Variants in APC observed in about 807,000 individuals in gnomAD.
The protein encoded by APC is APC regulator of Wnt signaling pathway, also known as adenomatous polyposis coli protein.
Under a neutral mutation model 247.0 loss-of-function variants are expected in APC, and 72 were observed. That is an observed-to-expected ratio of 0.29 (90% CI 0.24 to 0.35). The LOEUF (loss-of-function observed/expected upper bound fraction) is 0.35. Ranked by LOEUF, APC falls within the 10% of genes least tolerant of loss-of-function variation. The pLI, the probability that APC is intolerant of heterozygous loss-of-function variation, is 1.00. For synonymous variants in APC, 1,254 were observed against 1,162.5 expected (o/e 1.08, Z -1.60); for missense variants, 3,400 against 3,360.7 (o/e 1.01, Z -0.29).
Position 112,839,034 on chromosome 5 carries a change from A to C in APC, c.3440A>C (p.Tyr1147Ser), listed in dbSNP as rs1580635474. The change falls in exon 16 of 16, where the codon TAC becomes TCC. Residue 1147 changes from tyrosine (Y) to serine (S), a missense_variant. Physicochemically the swap from Tyr to Ser is moderately radical, Grantham distance 144 (BLOSUM62 -2). Around this residue, in one of 9 missense-constraint regions of APC, gnomAD observed 715 missense variants for 656.6 expected, o/e 1.09. Transcript: ENST00000257430. This position sits in a 1 kb window ranked among gnomAD's most constrained non-coding sequence, Gnocchi z 5.0. ...AAGCCTACCAATTATAGTGAACGTT[A>C]CTCTGAAGAAGAACAGCATGAAGAA... ...DDKPTNYSER[Y>S]SEEEQHEEEE... 1 of 1,614,122 alleles carries C rather than the reference A, an allele frequency of 6.2e-7. No homozygotes were observed. The highest frequency in any genetic ancestry group is 8.5e-7 in the Non-Finnish European group (1 of 1,180,024).
At chr5:112,754,747 A>T in intron 1 of APC, 126 bp from the exon 2 acceptor site, 1 of 839,854 alleles carries the variant, frequency 1.2e-6, no homozygotes, top group African/African-American at 1.7e-5. Context: ...GAGACCAAAA[A>T]CTAGCATATT....
At chr5:112,744,367 C>T (rs1415344952) in intron 1 of APC, among the ~76,000 whole-genome samples, 1 of 152,110 alleles carries the variant, frequency 6.6e-6, no homozygotes, top group Non-Finnish European at 1.5e-5. Flanking sequence ...TTCATTCTTA[C>T]GTGTATATTT....
chr5:112,767,638 G>A (rs1756508259), intron 4 of APC, among the ~76,000 whole-genome samples: 1 of 151,808 alleles, frequency 6.6e-6, no homozygotes, highest in Admixed American at 6.6e-5. Context: ...TTGTTTTTTG[G>A]GGTTTATTTT....
At chr5:112,754,212 C>G (rs577369721) in intron 1 of APC, among the ~76,000 whole-genome samples, 1 of 152,112 alleles carries the variant, frequency 6.6e-6, no homozygotes, top group Admixed American at 6.5e-5. Flanking sequence ...TTATAGTCAA[C>G]CTTTTGAATA....
intron 8 of APC, among the ~76,000 whole-genome samples, chr5:112,802,758 C>T (rs1320401392): frequency 6.6e-6 from 1 of 152,020 alleles, no homozygotes; most frequent in East Asian, 1.9e-4. Context: ...CACGTTACAG[C>T]ATGAGACTTC....
rs554174711 is a variant in APC, at chr5:112,714,737, G to C, written c.165+6855G>C. Among the ~76,000 whole-genome samples the C allele has an allele frequency of 1.6e-4, 25 of 152,200 alleles. No individual in the cohort carries two copies. In the South Asian group the frequency reaches 5.0e-3, roughly 30 times the overall value. ...TTCCCTAAACATCTATCCCTAAAAA[G>C]TTTATTATCTCTTCTATCATGCTTC... On this transcript the variant is annotated intron_variant, in intron 1 of 13. Coordinates refer to the APC transcript ENST00000507379.
At chr5:112,750,608 A>G (rs993457647) in intron 1 of APC, among the ~76,000 whole-genome samples, 11 of 152,114 alleles carry the variant, frequency 7.2e-5, no homozygotes, top group African/African-American at 1.4e-4. Flanking sequence ...TTGTGCTTTT[A>G]TAGCAAATAG....
chr5:112,778,011 G>A (rs1304302450), intron 5 of APC: 1 of 196,314 alleles, frequency 5.1e-6, no homozygotes, highest in African/African-American at 2.3e-5. Flanking sequence ...AGGTTCCCAA[G>A]TGTTGTCAAC....
At chr5:112,800,832 CATATAT>C (rs150403293) in intron 7 of APC, among the ~76,000 whole-genome samples, 1 of 149,110 alleles carries the variant, frequency 6.7e-6, no homozygotes, top group African/African-American at 2.5e-5. Flanking sequence ...AGAAGATATA[CATATAT>C]ATATATATAT....
intron 1 of APC, among the ~76,000 whole-genome samples, chr5:112,748,599 C>T (rs551228213): frequency 1.2e-3 from 176 of 152,066 alleles, no homozygotes; most frequent in African/African-American, 3.8e-3. Flanking sequence ...GGGTGTGGAG[C>T]GCCTGTAATC....
chr5:112,742,931 T>C (rs1044340621), intron 1 of APC, among the ~76,000 whole-genome samples: 1 of 152,234 alleles, frequency 6.6e-6, no homozygotes, highest in African/African-American at 2.4e-5. Context: ...CATTGTTTCC[T>C]ATTGCTGTTG....
At chr5:112,727,453 C>T (rs556157298) in intron 1 of APC, among the ~76,000 whole-genome samples, 3 of 152,042 alleles carry the variant, frequency 2.0e-5, no homozygotes, top group Non-Finnish European at 4.4e-5. Context: ...TCTTTTGACC[C>T]AAGGCTTTGG....
chr5:112,762,485 C>T (rs1323217006), intron 2 of APC, among the ~76,000 whole-genome samples: 1 of 152,190 alleles, frequency 6.6e-6, no homozygotes, highest in Non-Finnish European at 1.5e-5. Context: ...TGTATTTATA[C>T]AGTGGACTGC....
At chr5:112,745,957 G>A (rs578243669) in intron 1 of APC, among the ~76,000 whole-genome samples, 1 of 152,030 alleles carries the variant, frequency 6.6e-6, no homozygotes, top group Non-Finnish European at 1.5e-5. Context: ...ATAAAGTAGT[G>A]GAAAGTATGT....
chr5:112,822,971 C>T (rs2149795533), intron 11 of APC, among the ~76,000 whole-genome samples: 1 of 152,306 alleles, frequency 6.6e-6, no homozygotes, highest in Non-Finnish European at 1.5e-5. Flanking sequence ...TGCCCTCTGG[C>T]CATGCTTTCC....
At chr5:112,750,091 T>G (rs1754160185) in intron 1 of APC, among the ~76,000 whole-genome samples, 1 of 150,820 alleles carries the variant, frequency 6.6e-6, no homozygotes, top group Non-Finnish European at 1.5e-5. Context: ...GCCTCCCAAG[T>G]AGCTGAGATT....
rs929800912 is a variant in APC, at chr5:112,801,499, A to C, written c.834+116A>C. On this transcript the variant is annotated intron_variant, in intron 8 of 15. Transcript: ENST00000257430. ...TACCTATTTTCTTAGTCCTGAATGC[A>C]TATTTCCAGAAGCATTCAGTACCAA... 39 of 729,698 alleles carry C rather than the reference A, an allele frequency of 5.3e-5. No individual in the cohort carries two copies. In the Middle Eastern group the frequency reaches 1.6e-3, roughly 31 times the overall value. 45.2% of individuals were successfully genotyped at this position (729,698 alleles called of 1,614,324 possible). A position where few individuals can be genotyped will look rare whatever the true frequency, so the allele number is the denominator to read the frequency against.
chr5:112,841,155 A>C lies in APC; in HGVS notation c.5561A>C (p.Tyr1854Ser), dbSNP rs2149943277. The change falls in exon 16 of 16, where the codon TAC (tyrosine) becomes TCC (serine). Residue 1854 changes from tyrosine (Y) to serine (S), a missense_variant. Physicochemically the swap from Tyr to Ser is moderately radical, Grantham distance 144. Transcript: ENST00000257430. The surrounding 1 kb of genome is among the most constrained non-coding windows in gnomAD (Gnocchi z 4.6). ...HHYTPIEGTPYCFSRNDSLSS... is the reference protein window; with the variant it reads ...HHYTPIEGTPSCFSRNDSLSS... ...TACACGCCTATTGAAGGAACTCCTT[A>C]CTGTTTTTCACGAAATGATTCTTTG... The C allele has an allele frequency of 6.2e-7, 1 of 1,613,758 alleles. No individual in the cohort carries two copies. The highest frequency in any genetic ancestry group is 1.1e-5 in the South Asian group (1 of 91,074).
At chr5:112,733,530 A>C, upstream of APC, among the ~76,000 whole-genome samples, 1 of 152,200 alleles carries the variant, frequency 6.6e-6, no homozygotes, top group East Asian at 1.9e-4. Flanking sequence ...GTGAAGTGCT[A>C]TGAACCATAA....
Sources: allele counts gnomAD v4.1 joint callset (sites outside exome capture counted in the v4.1 genomes callset), GRCh38; gene constraint gnomAD v4.1.1; regional missense constraint gnomAD v4.1.1; non-coding constraint Gnocchi (gnomAD v3.1); transcripts MANE v1.5; gene names NCBI Gene and HGNC (gene_info 2026-07-23, HGNC 2026-07-21).